Variants in AGAP1 observed in about 807,000 individuals in gnomAD.
The protein encoded by AGAP1 is ArfGAP with GTPase domain, ankyrin repeat and PH domain 1.
In AGAP1, 29 loss-of-function variants were observed where a neutral mutation model predicts 105.3. The ratio of observed to expected loss-of-function variants is 0.28; its 90% CI spans 0.21 to 0.38. The LOEUF (loss-of-function observed/expected upper bound fraction) is 0.38. AGAP1 is among the 10% of genes least tolerant of loss of function. The pLI, the probability that AGAP1 is intolerant of heterozygous loss-of-function variation, is 1.00. For synonymous variants in AGAP1, 509 were observed against 485.9 expected, an observed-to-expected ratio of 1.05 and a Z score of -0.63; for missense variants, 998 against 1,165.1, an observed-to-expected ratio of 0.86 and a Z score of 2.09.
rs932654567 is a variant in AGAP1 at position 235,843,550 on chromosome 2, C to T, written c.1050+36219C>T. 1.3e-5 allele frequency among the ~76,000 whole-genome samples: 2 copies of T among 152,170 alleles called. No individual in the cohort carries two copies. The highest frequency in any genetic ancestry group is 1.9e-4 in the East Asian group (1 of 5,192). On this transcript the variant is annotated intron_variant, in intron 9 of 17. Transcript: ENST00000304032. The surrounding 1 kb of genome is among the most constrained non-coding windows in gnomAD (Gnocchi z 5.9). ...GCTGTGGGATGCCTCCGCCTCCCTT[C>T]GTTCCCCATTTGCAGCCTCTAGGTG...
At chr2:235,918,622 A>G (rs754758506) in intron 11 of AGAP1, among the ~76,000 whole-genome samples, 6 of 152,232 alleles carry the variant, frequency 3.9e-5, no homozygotes, top group Non-Finnish European at 8.8e-5. Context: ...TTTGAGGCAT[A>G]CACTGTTACT....
chr2:235,536,627 T>TCACACACACA (rs370173877), intron 1 of AGAP1, among the ~76,000 whole-genome samples: 39 of 108,310 alleles, frequency 3.6e-4, no homozygotes, highest in African/African-American at 3.7e-4. Flanking sequence ...GTCGCATCCT[T>TCACACACACA]CACACACACA....
At chr2:235,630,335 C>T (rs192910987) in intron 1 of AGAP1, among the ~76,000 whole-genome samples, 31 of 152,176 alleles carry the variant, frequency 2.0e-4, no homozygotes, top group African/African-American at 6.7e-4. Context: ...CTCAACCTCC[C>T]GAGTAGTTGG....
chr2:235,654,336 T>C (rs893780950), intron 1 of AGAP1, among the ~76,000 whole-genome samples: 5 of 152,240 alleles, frequency 3.3e-5, no homozygotes, highest in African/African-American at 9.6e-5. Flanking sequence ...TGCTCAATAA[T>C]GTCTTCACTG....
intron 1 of AGAP1, among the ~76,000 whole-genome samples, chr2:235,638,323 C>T (rs1178323201): frequency 6.6e-6 from 1 of 152,112 alleles, no homozygotes; most frequent in Non-Finnish European, 1.5e-5. Context: ...CTCACAGTTG[C>T]AGCTCTTCGA....
chr2:236,125,009 A>G lies in AGAP1; in HGVS notation c.*887A>G, dbSNP rs142361415. The G allele has an allele frequency of 1.2e-5, 2 of 166,950 alleles. No individual in the cohort carries two copies. Among genetic ancestry groups the G allele is most frequent in the African/African-American group, 4.8e-5 (2 of 41,594 alleles). The allele number at this position is 166,950 out of a possible 1,614,324, so 10.3% of individuals were successfully genotyped here. Reference sequence around the variant, plus strand: ...TGGGAAAAATAAATAAGAATAACTCAGAAACTCAAAAGGAAACCACAAATT... The same window carrying G: ...TGGGAAAAATAAATAAGAATAACTCGGAAACTCAAAAGGAAACCACAAATT... On this transcript the variant is annotated 3_prime_UTR_variant, in exon 18 of 18. Coordinates refer to ENST00000304032, the MANE Select transcript of AGAP1 (RefSeq NM_001037131.3). The surrounding 1 kb of genome is among the most constrained non-coding windows in gnomAD (Gnocchi z 5.2).
At chr2:235,584,555 GT>G (rs1288137700) in intron 1 of AGAP1, among the ~76,000 whole-genome samples, 2 of 151,204 alleles carry the variant, frequency 1.3e-5, no homozygotes, top group Non-Finnish European at 2.9e-5. Context: ...GAAGGGCCAT[GT>G]CACGATGGAG....
intron 10 of AGAP1, among the ~76,000 whole-genome samples, chr2:235,892,240 C>T (rs1476320111): frequency 6.6e-6 from 1 of 152,044 alleles, no homozygotes; most frequent in African/African-American, 2.4e-5. Flanking sequence ...TTCTCCCTGA[C>T]CTGCAATACT....
chr2:236,107,994 G>C (rs1442454310), intron 16 of AGAP1, among the ~76,000 whole-genome samples: 1 of 152,232 alleles, frequency 6.6e-6, no homozygotes, highest in Non-Finnish European at 1.5e-5. Context: ...TATTTATTTT[G>C]TCTTTGCCCC....
rs1951735569 is a variant in AGAP1, at chr2:235,728,009, T to G, written c.310+10365T>G. Among the ~76,000 whole-genome samples, 1 of 152,164 alleles carries G rather than the reference T, an allele frequency of 6.6e-6. No homozygotes were observed. The highest frequency in any genetic ancestry group is 1.5e-5 in the Non-Finnish European group (1 of 68,034). On this transcript the variant is annotated intron_variant, in intron 3 of 17. Transcript: ENST00000304032. This position sits in a 1 kb window ranked among gnomAD's most constrained non-coding sequence, Gnocchi z 4.3. ...ACTCAGCACCGATTAGAGCTGGGAT[T>G]GCCTCTCGCAACTCCCCAAAGAAAA... is the stretch of plus-strand genomic sequence containing the variant.
chr2:235,713,502 G>T (rs1486746036), intron 2 of AGAP1, among the ~76,000 whole-genome samples: 2 of 152,156 alleles, frequency 1.3e-5, no homozygotes, highest in African/African-American at 4.8e-5. Flanking sequence ...CGTCTGCCTT[G>T]GGCTCTGCAT....
intron 1 of AGAP1, among the ~76,000 whole-genome samples, chr2:235,641,608 C>T (rs1947200101): frequency 6.6e-6 from 1 of 152,240 alleles, no homozygotes; most frequent in South Asian, 2.1e-4. Flanking sequence ...AGAACCCTGC[C>T]TCTCTTGTGT....
chr2:235,679,227 A>G (rs1948929473), intron 1 of AGAP1, among the ~76,000 whole-genome samples: 1 of 152,246 alleles, frequency 6.6e-6, no homozygotes, highest in Non-Finnish European at 1.5e-5. Context: ...ACCTTGTGCC[A>G]GTAAACAGAT....
chr2:235,717,536 G>T (rs1326694457), intron 2 of AGAP1, 21 bp from the exon 3 acceptor site: 4 of 1,580,108 alleles, frequency 2.5e-6, no homozygotes, highest in Non-Finnish European at 3.4e-6. Flanking sequence ...GATGCTTAAC[G>T]GTTGTCCGTT....
At chr2:235,838,382 C>G (rs750316773) in intron 9 of AGAP1, among the ~76,000 whole-genome samples, 7 of 152,182 alleles carry the variant, frequency 4.6e-5, no homozygotes, top group Non-Finnish European at 1.5e-5. Flanking sequence ...TATACAGTTT[C>G]TGTAACATTT....
chr2:235,498,687 G>A (rs1400965613), intron 1 of AGAP1, among the ~76,000 whole-genome samples: 1 of 152,228 alleles, frequency 6.6e-6, no homozygotes, highest in Admixed American at 6.5e-5. Context: ...CGTGATGTGA[G>A]TGATAGCCCA....
chr2:235,683,673 G>A (rs983535885), intron 1 of AGAP1, among the ~76,000 whole-genome samples: 1 of 151,532 alleles, frequency 6.6e-6, no homozygotes, highest in East Asian at 1.9e-4. Context: ...TGAGGAGATG[G>A]CCTTGTTTTT....
At chr2:235,815,348 C>CTGGACA (rs1398723475) in intron 9 of AGAP1, among the ~76,000 whole-genome samples, 1 of 152,216 alleles carries the variant, frequency 6.6e-6, no homozygotes, top group Non-Finnish European at 1.5e-5. Context: ...CTGTGTCCTC[C>CTGGACA]CGTGGCCTGG....
Position 236,036,182 on chromosome 2 carries a change from G to A in AGAP1, c.1646-379G>A, listed in dbSNP as rs959661634. Among the ~76,000 whole-genome samples, 1 of 152,166 alleles carries A rather than the reference G, an allele frequency of 6.6e-6. No individual in the cohort carries two copies. Among genetic ancestry groups the A allele is most frequent in the Non-Finnish European group, 1.5e-5 (1 of 68,038 alleles). On this transcript the variant is annotated intron_variant, in intron 13 of 17. Transcript: ENST00000304032. The surrounding 1 kb of genome is among the most constrained non-coding windows in gnomAD (Gnocchi z 5.7). Reference sequence around the variant, plus strand: ...GAGTGCTTAGATAGAAATTAACCCTGCAGCCGGAGATTAGCGGCCCTAACT... The same window carrying A: ...GAGTGCTTAGATAGAAATTAACCCTACAGCCGGAGATTAGCGGCCCTAACT...
Sources: allele counts gnomAD v4.1 joint callset (sites outside exome capture counted in the v4.1 genomes callset), GRCh38; gene constraint gnomAD v4.1.1; non-coding constraint Gnocchi (gnomAD v3.1); transcripts MANE v1.5; gene names NCBI Gene and HGNC (gene_info 2026-07-23, HGNC 2026-07-21).